Variants in RAB11FIP3 observed in about 807,000 individuals in gnomAD.
RAB11FIP3 encodes the protein rab11 family-interacting protein 3.
RAB11FIP3 carries 17 observed loss-of-function variants against 77.8 expected under a neutral mutation model. That is an observed-to-expected ratio of 0.22 (90% CI 0.15 to 0.33). The LOEUF (loss-of-function observed/expected upper bound fraction) is 0.33. Ranked by LOEUF, RAB11FIP3 falls within the 10% of genes least tolerant of loss-of-function variation. The pLI is 1.00. For synonymous variants in RAB11FIP3, 437 were observed against 448.2 expected, an observed-to-expected ratio of 0.98 and a Z score of 0.31; for missense variants, 1,005 against 1,011.2, an observed-to-expected ratio of 0.99 and a Z score of 0.08.
chr16:468,093 C>A (rs1189667664), intron 2 of RAB11FIP3, among the ~76,000 whole-genome samples: 3 of 25,372 alleles, frequency 1.2e-4, no homozygotes, highest in Non-Finnish European at 1.5e-4. Context: ...GGTGCAGGGG[C>A]GTCAGGGAGG....
At chr16:509,194 C>T (rs2032017171) in intron 8 of RAB11FIP3, among the ~76,000 whole-genome samples, 1 of 152,244 alleles carries the variant, frequency 6.6e-6, no homozygotes, top group African/African-American at 2.4e-5. Context: ...GTGAGCCCGG[C>T]ATCTCAATCG....
intron 5 of RAB11FIP3, among the ~76,000 whole-genome samples, chr16:492,516 C>CT (rs150156629): frequency 0.078 from 2,511 of 32,084 alleles, 327 homozygotes; most frequent in Middle Eastern, 0.24. Context: ...GCCCAGGGCC[C>CT]TCCCGGGAGA....
At chr16:492,233 C>G (rs769553185) in intron 5 of RAB11FIP3, among the ~76,000 whole-genome samples, 15 of 152,212 alleles carry the variant, frequency 9.9e-5, no homozygotes, top group Non-Finnish European at 2.1e-4. Context: ...CTGTGAAGCA[C>G]AGGGCCCCCA....
At chr16:503,452 G>T (rs564086968) in intron 7 of RAB11FIP3, among the ~76,000 whole-genome samples, 5 of 152,262 alleles carry the variant, frequency 3.3e-5, no homozygotes, top group African/African-American at 1.2e-4. Flanking sequence ...GCGACCTGGG[G>T]CACCCATGAT....
At chr16:468,264 AG>A (rs2055750170) in intron 2 of RAB11FIP3, among the ~76,000 whole-genome samples, 1 of 6,722 alleles carries the variant, frequency 1.5e-4, no homozygotes, top group Admixed American at 1.6e-3. Flanking sequence ...GAGGAGGTGC[AG>A]GGAAGTCAGG....
rs561396210 is a variant in RAB11FIP3 at position 461,120 on chromosome 16, G to A, written c.715-284G>A. 4.1e-4 allele frequency among the ~76,000 whole-genome samples: 62 copies of A among 152,340 alleles called. No homozygotes were observed. The highest frequency in any genetic ancestry group is 1.4e-3 in the African/African-American group (59 of 41,576). On this transcript the variant is annotated intron_variant, in intron 1 of 13. Transcript: ENST00000262305. The surrounding 1 kb of genome is among the most constrained non-coding windows in gnomAD (Gnocchi z 4.5). ...GGGCAGGGCGTTGGGGTGGTTTCAG[G>A]ATGATACTGTTCAGATCATCCGGCG...
chr16:519,915 C>T, intron 11 of RAB11FIP3, 24 bp downstream of exon 11: 1 of 1,558,348 alleles, frequency 6.4e-7, no homozygotes, highest in Non-Finnish European at 8.7e-7. Context: ...CTGCCCCACG[C>T]CCAGTCCTGC....
chr16:510,790 C>G lies in RAB11FIP3; in HGVS notation c.1630C>G (p.Leu544Val), dbSNP rs2032106048. The G allele has an allele frequency of 1.2e-6, 2 of 1,613,202 alleles. No individual in the cohort carries two copies. Among genetic ancestry groups the G allele is most frequent in the Non-Finnish European group, 1.7e-6 (2 of 1,179,748 alleles). The change falls in exon 9 of 14, where the codon CTG (leucine) becomes GTG (valine). Residue 544 changes from leucine (L) to valine (V), a missense_variant. Transcript: ENST00000262305. The stretch of plus-strand genomic sequence containing the variant: ...GGAGAAGAGCATTGAGATCGAGAAC[C>G]TGCAGACCAGGTAGGCGGTTCCCAA... ...EREKSIEIEN[L>V]QTRLQQLDEE...
chr16:435,752 A>C (rs922195957), intron 1 of RAB11FIP3, among the ~76,000 whole-genome samples: 6 of 151,962 alleles, frequency 3.9e-5, no homozygotes, highest in African/African-American at 1.4e-4. Context: ...TAGTAAAAAA[A>C]ATCATTACAG....
rs2055601575 is a variant in RAB11FIP3 at position 461,317 on chromosome 16, C to T, written c.715-87C>T. 4.8e-6 allele frequency: 5 copies of T among 1,033,740 alleles called. No individual in the cohort carries two copies. Among genetic ancestry groups the T allele is most frequent in the Non-Finnish European group, 7.2e-6 (5 of 691,180 alleles). The allele number at this position is 1,033,740 out of a possible 1,614,324, so 64.0% of individuals were successfully genotyped here. A position where few individuals can be genotyped will look rare whatever the true frequency, so the allele number is the denominator to read the frequency against. On this transcript the variant is annotated intron_variant, in intron 1 of 13. Transcript: ENST00000262305. The surrounding 1 kb of genome is among the most constrained non-coding windows in gnomAD (Gnocchi z 4.5). ...GCTTCCCCGTTCCCAGCAGGCCACA[C>T]ACCAGATCTCTCCCAGTCCGAGGTC...
In RAB11FIP3 at chr16:455,059, AAC is replaced by A. The variant is rs1317222588; in HGVS notation, c.715-6343_715-6342del. On this transcript the variant is annotated intron_variant, in intron 1 of 13. Coordinates refer to ENST00000262305, the MANE Select transcript of RAB11FIP3 (RefSeq NM_014700.4). ...AGCGAAACTCCGTCTCAAAAAAAAA[AAC>A]AAAAAAACTAGGCTTTCTTTCTTTT... Among the ~76,000 whole-genome samples, 6 of 149,502 alleles carry A rather than the reference AAC, an allele frequency of 4.0e-5. 1 individual carries two copies. Among genetic ancestry groups the A allele is most frequent in the Non-Finnish European group, 7.4e-5 (5 of 67,360 alleles).
At position 474,778 on chromosome 16, in the gene RAB11FIP3, C is replaced by T. The variant is rs1485116899; in HGVS notation, c.903+3389C>T. 1.9e-5 allele frequency: 26 copies of T among 1,365,640 alleles called. No homozygotes were observed. In the East Asian group the frequency reaches 3.2e-4, roughly 17 times the overall value. 84.6% of individuals were successfully genotyped at this position (1,365,640 alleles called of 1,614,324 possible). On this transcript the variant is annotated intron_variant, in intron 3 of 13. Coordinates refer to ENST00000262305, the MANE Select transcript of RAB11FIP3 (RefSeq NM_014700.4). ...CTGTTTTCAGCCCTGACTGACTAAC[C>T]GTTTTTTAAACCAGCAAGGACACTT... is the stretch of plus-strand genomic sequence containing the variant.
At chr16:459,239 G>T (rs753961596) in intron 1 of RAB11FIP3, among the ~76,000 whole-genome samples, 1 of 148,300 alleles carries the variant, frequency 6.7e-6, no homozygotes, top group Non-Finnish European at 1.5e-5. Context: ...CAATTCTCCC[G>T]CCTCAGCCTC....
At chr16:493,754 CCA>C (rs2030824204) in intron 5 of RAB11FIP3, among the ~76,000 whole-genome samples, 1 of 148,720 alleles carries the variant, frequency 6.7e-6, no homozygotes, top group Non-Finnish European at 1.5e-5. Flanking sequence ...CTACAGGCGC[CCA>C]TCACCACACC....
intron 3 of RAB11FIP3, chr16:477,516 C>A: frequency 1.9e-6 from 1 of 521,058 alleles, no homozygotes. Context: ...CAGCCTCTGA[C>A]AGACATCCTG....
rs1269181388 is a variant in RAB11FIP3, at chr16:507,520, C to T, written c.1499+1893C>T. Among the ~76,000 whole-genome samples the T allele has an allele frequency of 6.6e-6, 1 of 152,150 alleles. No homozygotes were observed. Among genetic ancestry groups the T allele is most frequent in the African/African-American group, 2.4e-5 (1 of 41,434 alleles). On this transcript the variant is annotated intron_variant, in intron 8 of 13. Transcript: ENST00000262305. This position sits in a 1 kb window ranked among gnomAD's most constrained non-coding sequence, Gnocchi z 4.6. Reference sequence around the variant, plus strand: ...CCTTGGCCCCCCAAAGTGCTGAAATCAGAGGCGTGAGCCACCATGTCCAGC... The same window carrying T: ...CCTTGGCCCCCCAAAGTGCTGAAATTAGAGGCGTGAGCCACCATGTCCAGC...
At chr16:488,746 C>A in intron 4 of RAB11FIP3, 105 bp from the exon 5 acceptor site, 4 of 1,079,110 alleles carry the variant, frequency 3.7e-6, no homozygotes, top group Non-Finnish European at 5.1e-6. Context: ...TCCCAGGACT[C>A]ACGTGTGGCT....
In RAB11FIP3 at chr16:521,162, C is replaced by T; in HGVS notation, c.*323C>T. ...GAGTCAAGCTGGCCATGAACGCGTACACTTCAGTTCAGCAGGATGGGCTGG... is the reference window on the plus strand; with the variant it reads ...GAGTCAAGCTGGCCATGAACGCGTATACTTCAGTTCAGCAGGATGGGCTGG... On this transcript the variant is annotated 3_prime_UTR_variant, in exon 14 of 14. Coordinates refer to ENST00000262305, the MANE Select transcript of RAB11FIP3 (RefSeq NM_014700.4). 1 of 410,666 alleles carries T rather than the reference C, an allele frequency of 2.4e-6. No individual in the cohort carries two copies. Among genetic ancestry groups the T allele is most frequent in the Non-Finnish European group, 4.5e-6 (1 of 220,556 alleles). 25.4% of individuals were successfully genotyped at this position (410,666 alleles called of 1,614,324 possible).
Position 449,462 on chromosome 16 carries a change from G to A in RAB11FIP3, c.715-11942G>A, listed in dbSNP as rs563536336. On this transcript the variant is annotated intron_variant, in intron 1 of 13. Transcript: ENST00000262305. ...GCTTACTTCTTCTTTGAGACCAGGA[G>A]GCTGCTACGATGGAGTCTTAAGTTA... Among the ~76,000 whole-genome samples the A allele has an allele frequency of 1.4e-3, 219 of 152,150 alleles. 1 individual carries two copies. Among genetic ancestry groups the A allele is most frequent in the African/African-American group, 5.1e-3 (212 of 41,524 alleles).
Sources: allele counts gnomAD v4.1 joint callset (sites outside exome capture counted in the v4.1 genomes callset), GRCh38; gene constraint gnomAD v4.1.1; non-coding constraint Gnocchi (gnomAD v3.1); transcripts MANE v1.5; gene names NCBI Gene and HGNC (gene_info 2026-07-23, HGNC 2026-07-21).